The following NAV2 variants were observed in gnomAD, a reference collection of about 807,000 sequenced individuals.
NAV2 encodes the protein helicase, APC down-regulated 1.
A neutral mutation model predicts 223.2 loss-of-function variants in NAV2; 54 were observed. The ratio of observed to expected loss-of-function variants is 0.24; its 90% CI spans 0.19 to 0.30. NAV2 has a LOEUF of 0.30. Among genes scored for constraint, NAV2 ranks in the 10% least tolerant of loss-of-function variants. The pLI, the probability that NAV2 is intolerant of heterozygous loss-of-function variation, is 1.00. For missense variants in NAV2, 2,806 were observed against 3,147.5 expected (o/e 0.89, Z 2.60); for synonymous variants, 1,279 against 1,239.3 (o/e 1.03, Z -0.67).
At chr11:19,834,039 A>G (rs1356767516) in intron 2 of NAV2, among the ~76,000 whole-genome samples, 2 of 152,086 alleles carry the variant, frequency 1.3e-5, no homozygotes, top group African/African-American at 4.8e-5. Flanking sequence ...GCTTTGCAAT[A>G]GTCTATTGGT....
intron 3 of NAV2, among the ~76,000 whole-genome samples, chr11:19,865,425 C>T (rs1055745971): frequency 6.6e-6 from 1 of 152,176 alleles, no homozygotes; most frequent in Non-Finnish European, 1.5e-5. Context: ...ATCAAAGAAA[C>T]AATCTCCCTT....
At chr11:19,786,957 A>T (rs891832134) in intron 1 of NAV2, among the ~76,000 whole-genome samples, 1 of 152,080 alleles carries the variant, frequency 6.6e-6, no homozygotes, top group African/African-American at 2.4e-5. Flanking sequence ...AGTGTGCTGT[A>T]TTTGTGCCTG....
In NAV2 at chr11:19,664,962, C is replaced by T. The variant is rs1202822196; in HGVS notation, c.76-167522C>T. 6.6e-5 allele frequency among the ~76,000 whole-genome samples: 10 copies of T among 152,344 alleles called. No individual in the cohort carries two copies. The East Asian group carries it at 1.9e-3, about 29-fold the overall frequency. ...CCAAGAGCTCAGAGAAATTAAGTAA[C>T]TTGCTCATGTCACACAGCTGATGGG... On this transcript the variant is annotated intron_variant, in intron 1 of 37. Transcript: ENST00000360655.
At chr11:19,868,794 A>C in intron 3 of NAV2, 131 bp from the exon 4 acceptor site, 3 of 759,742 alleles carry the variant, frequency 3.9e-6, no homozygotes, top group South Asian at 1.8e-5. Context: ...CAGACAAAAG[A>C]GAGTGTCCTA....
chr11:19,860,449 C>T (rs1260370653), intron 3 of NAV2, among the ~76,000 whole-genome samples: 5 of 151,360 alleles, frequency 3.3e-5, no homozygotes, highest in East Asian at 2.0e-4. Flanking sequence ...CGGGCAGAGA[C>T]GCTCCTCACT....
intron 1 of NAV2, among the ~76,000 whole-genome samples, chr11:19,830,392 T>C (rs1227699617): frequency 1.3e-5 from 2 of 152,174 alleles, no homozygotes; most frequent in African/African-American, 2.4e-5. Context: ...GATTGTAAAA[T>C]AGGTTAGTCT....
intron 3 of NAV2, 68 bp downstream of exon 3, chr11:19,842,991 C>T: frequency 2.2e-6 from 3 of 1,339,308 alleles, no homozygotes; most frequent in Non-Finnish European, 2.1e-6. Flanking sequence ...TGATATTGAC[C>T]ATCTTGAAAA....
chr11:19,483,748 A>G (rs1417669096), intron 1 of NAV2, among the ~76,000 whole-genome samples: 1 of 152,202 alleles, frequency 6.6e-6, no homozygotes, highest in Non-Finnish European at 1.5e-5. Flanking sequence ...GTTCTGATGA[A>G]CAGCCATCAG....
intron 1 of NAV2, among the ~76,000 whole-genome samples, chr11:19,566,610 C>T (rs1380346460): frequency 1.3e-5 from 2 of 152,218 alleles, no homozygotes; most frequent in African/African-American, 4.8e-5. Context: ...CTGGTTGGAG[C>T]TGCTTGTGGA....
intron 1 of NAV2, among the ~76,000 whole-genome samples, chr11:19,723,072 G>A (rs1253829463): frequency 6.6e-6 from 1 of 152,214 alleles, no homozygotes; most frequent in Non-Finnish European, 1.5e-5. Flanking sequence ...GCAAGTTTGG[G>A]CAGATTCCTG....
chr11:19,569,306 C>G (rs1284299445), intron 1 of NAV2, among the ~76,000 whole-genome samples: 1 of 152,182 alleles, frequency 6.6e-6, no homozygotes, highest in Non-Finnish European at 1.5e-5. Context: ...GGGCTCAGCT[C>G]AAATGCAGCC....
chr11:19,637,602 A>G (rs2135536233), intron 1 of NAV2, among the ~76,000 whole-genome samples: 1 of 152,328 alleles, frequency 6.6e-6, no homozygotes, highest in East Asian at 1.9e-4. Flanking sequence ...GCTTCTGGGG[A>G]GGCCTCAGGA....
intron 1 of NAV2, among the ~76,000 whole-genome samples, chr11:19,644,625 A>G (rs1328527634): frequency 3.3e-5 from 5 of 152,194 alleles, no homozygotes; most frequent in Non-Finnish European, 7.3e-5. Flanking sequence ...TCTTGCTGAG[A>G]CTGGGAGAGT....
chr11:19,743,907 C>T (rs1156483465), intron 1 of NAV2, among the ~76,000 whole-genome samples: 4 of 152,194 alleles, frequency 2.6e-5, no homozygotes, highest in African/African-American at 9.6e-5. Flanking sequence ...AATCCTCAGG[C>T]CCTAATGCTA....
intron 1 of NAV2, among the ~76,000 whole-genome samples, chr11:19,483,200 A>G (rs1438207508): frequency 2.0e-5 from 3 of 152,254 alleles, no homozygotes; most frequent in African/African-American, 7.2e-5. Flanking sequence ...CCTGTGGTCA[A>G]CCACAGTCTG....
chr11:19,729,039 C>T (rs1343284069), intron 1 of NAV2, among the ~76,000 whole-genome samples: 1 of 152,062 alleles, frequency 6.6e-6, no homozygotes, highest in African/African-American at 2.4e-5. Flanking sequence ...GAATCATGGG[C>T]CAGAGCATCA....
At chr11:19,797,889 G>A (rs2058021069) in intron 1 of NAV2, among the ~76,000 whole-genome samples, 1 of 152,152 alleles carries the variant, frequency 6.6e-6, no homozygotes, top group Non-Finnish European at 1.5e-5. Context: ...ATGGGCATGT[G>A]TATGGTATGA....
At chr11:19,587,118 G>A (rs751002646) in intron 1 of NAV2, among the ~76,000 whole-genome samples, 1 of 152,180 alleles carries the variant, frequency 6.6e-6, no homozygotes, top group Admixed American at 6.5e-5. Flanking sequence ...CTTGCAGTTT[G>A]ATCTCAGATT....
chr11:20,087,064 C>T (rs1221002367), intron 26 of NAV2, among the ~76,000 whole-genome samples: 1 of 152,118 alleles, frequency 6.6e-6, no homozygotes, highest in Non-Finnish European at 1.5e-5. Flanking sequence ...AGCTCTGGTG[C>T]ACTCTGATAT....
Sources: allele counts gnomAD v4.1 joint callset (sites outside exome capture counted in the v4.1 genomes callset), GRCh38; gene constraint gnomAD v4.1.1; transcripts MANE v1.5; gene names NCBI Gene and HGNC (gene_info 2026-07-23, HGNC 2026-07-21).